Variants in HSF5 observed in about 807,000 individuals in gnomAD.
HSF5 encodes the protein heat shock transcription factor 5.
Under a neutral mutation model 50.8 loss-of-function variants are expected in HSF5, and 5 were observed. The observed-to-expected ratio is 0.10, with a 90% CI of 0.05 to 0.21. The LOEUF (loss-of-function observed/expected upper bound fraction) is 0.21. HSF5 is among the 10% of genes least tolerant of loss of function. The pLI, the probability that HSF5 is intolerant of heterozygous loss-of-function variation, is 1.00. For missense variants in HSF5, 564 were observed against 762.6 expected, an observed-to-expected ratio of 0.74 and a Z score of 3.07; for synonymous variants, 307 against 307.4, an observed-to-expected ratio of 1.00 and a Z score of 0.02.
At chr17:58,483,486 T>C (rs1009321575) in intron 1 of HSF5, among the ~76,000 whole-genome samples, 1 of 152,232 alleles carries the variant, frequency 6.6e-6, no homozygotes, top group African/African-American at 2.4e-5. Flanking sequence ...CTTTAAGATA[T>C]ATTTGGCAAA....
chr17:58,423,582 C>T (rs947834971), intron 5 of HSF5, among the ~76,000 whole-genome samples: 2 of 148,304 alleles, frequency 1.3e-5, no homozygotes, highest in Admixed American at 6.9e-5. Context: ...CGGGTTCATG[C>T]GATTCTCCTG....
intron 5 of HSF5, among the ~76,000 whole-genome samples, chr17:58,441,036 C>G (rs1004553983): frequency 6.6e-6 from 1 of 152,180 alleles, no homozygotes; most frequent in Non-Finnish European, 1.5e-5. Flanking sequence ...CTACATTTAA[C>G]AACTGCAGAA....
intron 3 of HSF5, among the ~76,000 whole-genome samples, chr17:58,464,593 T>C (rs528107389): frequency 6.6e-6 from 1 of 152,338 alleles, no homozygotes; most frequent in Admixed American, 6.5e-5. Context: ...GTGTGCTTAT[T>C]GCTATTTTCC....
At chr17:58,445,893 C>T (rs995584353) in intron 5 of HSF5, among the ~76,000 whole-genome samples, 6 of 151,900 alleles carry the variant, frequency 3.9e-5, no homozygotes, top group African/African-American at 1.5e-4. Flanking sequence ...CCCAGCACTT[C>T]GGGAGGCCAA....
intron 2 of HSF5, among the ~76,000 whole-genome samples, chr17:58,470,431 G>A (rs1057202609): frequency 6.6e-6 from 1 of 152,056 alleles, no homozygotes; most frequent in Non-Finnish European, 1.5e-5. Context: ...AATATTATAC[G>A]ATTCCTCATG....
intron 2 of HSF5, chr17:58,476,624 T>C: frequency 6.5e-7 from 1 of 1,546,334 alleles, no homozygotes; most frequent in Non-Finnish European, 8.9e-7. Flanking sequence ...ACTTCAACTC[T>C]GGTCAAATAA....
chr17:58,475,408 G>T lies in HSF5; in HGVS notation c.925+4485C>A, dbSNP rs569256917. On this transcript the variant is annotated intron_variant, in intron 2 of 5. Coordinates refer to ENST00000323777, the MANE Select transcript of HSF5 (RefSeq NM_001080439.3). ...AAAAAGAAAATTTAAAAATAAACAG[G>T]ATAAAAATTACAATAGAGAATGTCA... Among the ~76,000 whole-genome samples, 4 of 152,192 alleles carry T rather than the reference G, an allele frequency of 2.6e-5. No individual in the cohort carries two copies. In the South Asian group the frequency reaches 8.3e-4, roughly 32 times the overall value.
At chr17:58,449,565 T>C (rs1014762567) in intron 5 of HSF5, among the ~76,000 whole-genome samples, 1 of 151,596 alleles carries the variant, frequency 6.6e-6, no homozygotes, top group Admixed American at 6.6e-5. Context: ...CTGGGTGTGG[T>C]GGCAGACACC....
chr17:58,433,650 A>G (rs1034986502), intron 5 of HSF5, among the ~76,000 whole-genome samples: 1 of 152,206 alleles, frequency 6.6e-6, no homozygotes, highest in African/African-American at 2.4e-5. Flanking sequence ...GCCAGAAGAA[A>G]GCATTTCAGG....
rs1290582749 is a variant in HSF5 at position 58,446,446 on chromosome 17, G to C, written c.1720+12322C>G. Among the ~76,000 whole-genome samples, 3 of 152,334 alleles carry C rather than the reference G, an allele frequency of 2.0e-5. No individual in the cohort carries two copies. The South Asian group carries it at 6.2e-4, about 32-fold the overall frequency. ...CAAAGGGAAGTATGGGGGAGATTTT[G>C]CATTTGAACTTAGTACTGGTGCCAT... On this transcript the variant is annotated intron_variant, in intron 5 of 5. Transcript: ENST00000323777.
chr17:58,462,243 C>T (rs888524022), intron 4 of HSF5, among the ~76,000 whole-genome samples: 5 of 152,112 alleles, frequency 3.3e-5, no homozygotes, highest in African/African-American at 1.2e-4. Context: ...AAGGAATTAG[C>T]CTTTACCTTC....
chr17:58,484,367 G>T (rs1433667485), intron 1 of HSF5, among the ~76,000 whole-genome samples: 1 of 152,184 alleles, frequency 6.6e-6, no homozygotes, highest in Non-Finnish European at 1.5e-5. Flanking sequence ...AAAATCAGAT[G>T]CCAGATGGCC....
Position 58,457,867 on chromosome 17 carries a change from GC to G in HSF5, c.1720+900del, listed in dbSNP as rs942087444. 5.7e-4 allele frequency among the ~76,000 whole-genome samples: 86 copies of G among 152,176 alleles called. 5 individuals carry two copies. The highest frequency in any genetic ancestry group is 1.5e-5 in the Non-Finnish European group (1 of 68,032). ...AATATAATCAACTAAAAGTGTGCAAGCTAAATTTAGTGAATAAATGATAGAC... is the reference window on the plus strand; with the variant it reads ...AATATAATCAACTAAAAGTGTGCAAGTAAATTTAGTGAATAAATGATAGAC... On this transcript the variant is annotated intron_variant, in intron 5 of 5. Transcript: ENST00000323777.
At position 58,455,284 on chromosome 17, in the gene HSF5, A is replaced by C. The variant is rs1042037653; in HGVS notation, c.1720+3484T>G. On this transcript the variant is annotated intron_variant, in intron 5 of 5. Transcript: ENST00000323777. ...AATTTGGATGTCCATATGCAGAAGAAGGAAACTAAACCCCAATTTCTCACC... is the reference window on the plus strand; with the variant it reads ...AATTTGGATGTCCATATGCAGAAGACGGAAACTAAACCCCAATTTCTCACC... 2.6e-5 allele frequency among the ~76,000 whole-genome samples: 4 copies of C among 152,224 alleles called. No individual in the cohort carries two copies. In the South Asian group the frequency reaches 8.3e-4, roughly 32 times the overall value.
Position 58,466,715 on chromosome 17 carries a change from T to A in HSF5, c.1020+170A>T, listed in dbSNP as rs529685980. Among the ~76,000 whole-genome samples the A allele has an allele frequency of 2.6e-5, 4 of 152,330 alleles. No individual in the cohort carries two copies. In the East Asian group the frequency reaches 7.7e-4, roughly 29 times the overall value. On this transcript the variant is annotated intron_variant, in intron 3 of 5. Transcript: ENST00000323777. ...CTGGCCTAGAAGAATTCTGAGATAT[T>A]ATTTATATCAATTCTCTCTTTTTTT...
Position 58,480,061 on chromosome 17 carries a change from C to G in HSF5, c.757G>C (p.Val253Leu), listed in dbSNP as rs1007846158. ...AACCTCTGGAGTACAGGAAACGGAA[C>G]CCCTTTATCTGAAAATGTGGGAGAT... The part of the protein sequence containing the change: ...ETSPTFSDKG[V>L]PFPVLQRFPT... The change falls in exon 2 of 6, where the codon GTT (valine) becomes CTT (leucine). Residue 253 changes from valine (V) to leucine (L), a missense_variant. This residue lies in a region of HSF5 where 441 missense variants were observed against 533.6 expected (regional missense o/e 0.83). Coordinates refer to ENST00000323777, the MANE Select transcript of HSF5 (RefSeq NM_001080439.3). 5 of 1,614,026 alleles carry G rather than the reference C, an allele frequency of 3.1e-6. No individual in the cohort carries two copies. The highest frequency in any genetic ancestry group is 4.2e-6 in the Non-Finnish European group (5 of 1,180,028).
At chr17:58,440,237 A>G (rs1437351897) in intron 5 of HSF5, among the ~76,000 whole-genome samples, 1 of 152,202 alleles carries the variant, frequency 6.6e-6, no homozygotes, top group African/African-American at 2.4e-5. Context: ...TGAGAGGCTG[A>G]GCTTTGCCTT....
At chr17:58,478,100 T>A (rs1484593479) in intron 2 of HSF5, among the ~76,000 whole-genome samples, 1 of 151,848 alleles carries the variant, frequency 6.6e-6, no homozygotes, top group Non-Finnish European at 1.5e-5. Context: ...TACCACATGA[T>A]GAAATACATG....
chr17:58,442,212 G>T (rs935499975), intron 5 of HSF5, among the ~76,000 whole-genome samples: 1 of 152,136 alleles, frequency 6.6e-6, no homozygotes, highest in Non-Finnish European at 1.5e-5. Flanking sequence ...CCATGGTGGT[G>T]GAATGCTTAG....
Sources: gnomAD v4.1 joint callset for allele counts (sites outside exome capture counted in the v4.1 genomes callset) on GRCh38, gnomAD v4.1.1 for gene constraint, gnomAD v4.1.1 regional missense constraint, MANE v1.5 for transcripts, NCBI Gene and HGNC (gene_info 2026-07-23, HGNC 2026-07-21) for gene names.